The following KCTD16 variants were observed in gnomAD, a reference collection of about 807,000 sequenced individuals.
The protein encoded by KCTD16 is potassium channel tetramerization domain containing 16.
Under a neutral mutation model 33.2 loss-of-function variants are expected in KCTD16, and 13 were observed. That is an observed-to-expected ratio of 0.39 (90% CI 0.25 to 0.62). The LOEUF is 0.62. Among genes scored for constraint, KCTD16 ranks in the 20% least tolerant of loss-of-function variants. KCTD16 has a pLI of 0.50. For synonymous variants in KCTD16, 197 were observed against 195.3 expected (o/e 1.01, Z -0.07); for missense variants, 441 against 525.1 (o/e 0.84, Z 1.57).
intron 3 of KCTD16, among the ~76,000 whole-genome samples, chr5:144,280,590 G>A (rs1436924166): frequency 6.6e-6 from 1 of 151,926 alleles, no homozygotes; most frequent in East Asian, 1.9e-4. Flanking sequence ...TAATTTTGTT[G>A]ATCTTTTCAA....
At chr5:144,366,560 T>C (rs567496177) in intron 3 of KCTD16, among the ~76,000 whole-genome samples, 1 of 152,178 alleles carries the variant, frequency 6.6e-6, no homozygotes, top group Non-Finnish European at 1.5e-5. Flanking sequence ...ATTTGCTAAC[T>C]CTATGTTTGC....
At chr5:144,226,892 T>G (rs1242803882) in intron 3 of KCTD16, among the ~76,000 whole-genome samples, 1 of 152,194 alleles carries the variant, frequency 6.6e-6, no homozygotes, top group East Asian at 1.9e-4. Context: ...TCTTTATGAA[T>G]ACATAATAGC....
intron 3 of KCTD16, among the ~76,000 whole-genome samples, chr5:144,396,451 G>A (rs537311538): frequency 1.3e-5 from 2 of 152,220 alleles, no homozygotes; most frequent in East Asian, 1.9e-4. Flanking sequence ...AAGGACATTT[G>A]CGTTTATATA....
rs140862063 is a variant in KCTD16, at chr5:144,384,974, C to T, written c.833-88686C>T. 1.1e-3 allele frequency among the ~76,000 whole-genome samples: 171 copies of T among 152,242 alleles called. 1 individual carries two copies. The highest frequency in any genetic ancestry group is 3.8e-3 in the African/African-American group (158 of 41,552). On this transcript the variant is annotated intron_variant, in intron 3 of 3. Transcript: ENST00000512467. Reference sequence around the variant, plus strand: ...TATTTATTTTGGATGTTTAGAAGCTCGTTCCCTTTTGGACTCACTGTTGGA... The same window carrying T: ...TATTTATTTTGGATGTTTAGAAGCTTGTTCCCTTTTGGACTCACTGTTGGA...
At chr5:144,351,983 A>T (rs1406388126) in intron 3 of KCTD16, among the ~76,000 whole-genome samples, 1 of 152,214 alleles carries the variant, frequency 6.6e-6, no homozygotes, top group Non-Finnish European at 1.5e-5. Flanking sequence ...ACTTCTGTTA[A>T]TCACAACATA....
chr5:144,325,983 C>A (rs575652234), intron 3 of KCTD16, among the ~76,000 whole-genome samples: 1 of 152,082 alleles, frequency 6.6e-6, no homozygotes, highest in South Asian at 2.1e-4. Context: ...TTATGAAACA[C>A]CTTATCAGGA....
At chr5:144,177,234 A>G (rs909279222) in intron 2 of KCTD16, among the ~76,000 whole-genome samples, 1 of 152,250 alleles carries the variant, frequency 6.6e-6, no homozygotes, top group Non-Finnish European at 1.5e-5. Context: ...AGTAACTGTC[A>G]TGCTGTCATA....
At chr5:144,294,618 C>T (rs1755987135) in intron 3 of KCTD16, among the ~76,000 whole-genome samples, 1 of 152,112 alleles carries the variant, frequency 6.6e-6, no homozygotes, top group Non-Finnish European at 1.5e-5. Flanking sequence ...CTCATTCCTT[C>T]CATGTAGTGT....
At chr5:144,430,738 G>A (rs897084082) in intron 3 of KCTD16, among the ~76,000 whole-genome samples, 2 of 152,202 alleles carry the variant, frequency 1.3e-5, no homozygotes, top group African/African-American at 4.8e-5. Flanking sequence ...TGTGACAGAT[G>A]ATGCATTTTT....
intron 3 of KCTD16, among the ~76,000 whole-genome samples, chr5:144,413,418 G>A (rs960592178): frequency 6.6e-6 from 1 of 152,158 alleles, no homozygotes; most frequent in African/African-American, 2.4e-5. Flanking sequence ...AATGAATACA[G>A]GTTTATACAA....
In KCTD16 at chr5:144,297,823, G is replaced by C. The variant is rs6885682; in HGVS notation, c.832+90277G>C. Among the ~76,000 whole-genome samples the C allele has an allele frequency of 4.7e-3, 712 of 152,316 alleles. 3 individuals carry two copies. The highest frequency in any genetic ancestry group is 0.016 in the African/African-American group (679 of 41,584). On this transcript the variant is annotated intron_variant, in intron 3 of 3. Transcript: ENST00000512467. ...GATCAGGATATAAAGGCAGGCATTC[G>C]AGCCGGCAACGGCTACCCTCTTTTG...
chr5:144,290,470 T>C (rs938395115), intron 3 of KCTD16, among the ~76,000 whole-genome samples: 2 of 152,222 alleles, frequency 1.3e-5, no homozygotes, highest in Non-Finnish European at 2.9e-5. Context: ...TATTCTTCAA[T>C]TTATTAATCT....
At chr5:144,224,459 A>C (rs1285459548) in intron 3 of KCTD16, among the ~76,000 whole-genome samples, 2 of 124,122 alleles carry the variant, frequency 1.6e-5, no homozygotes, top group South Asian at 4.9e-4. Flanking sequence ...GGTGCTTTCT[A>C]TTCTGACATA....
chr5:144,376,333 A>G lies in KCTD16; in HGVS notation c.833-97327A>G, dbSNP rs759057708. On this transcript the variant is annotated intron_variant, in intron 3 of 3. Transcript: ENST00000512467. ...TCTTTATCAAAAAGAAATATACTGA[A>G]TAATGTGTAATAATATGGACAAAAT... Among the ~76,000 whole-genome samples, 9 of 152,314 alleles carry G rather than the reference A, an allele frequency of 5.9e-5. 1 individual carries two copies. The highest frequency in any genetic ancestry group is 6.8e-3 in the Middle Eastern group (2 of 294).
At chr5:144,331,496 A>C (rs187922371) in intron 3 of KCTD16, among the ~76,000 whole-genome samples, 1 of 152,340 alleles carries the variant, frequency 6.6e-6, no homozygotes, top group Admixed American at 6.5e-5. Flanking sequence ...GTTGAAAAGC[A>C]GGGAGTATAT....
At chr5:144,467,183 C>T (rs1479111183) in intron 3 of KCTD16, among the ~76,000 whole-genome samples, 1 of 149,284 alleles carries the variant, frequency 6.7e-6, no homozygotes, top group Non-Finnish European at 1.5e-5. Flanking sequence ...TGCCATTTTT[C>T]TCTCTGGGTC....
In KCTD16 at chr5:144,475,902, T is replaced by C. The variant is rs1461576564; in HGVS notation, c.*1788T>C. ...ATGACAGACTCAGCTAATGTTTCCT[T>C]GTCCTGAAGGTTTGAATGGAGTTGA... is the stretch of plus-strand genomic sequence containing the variant. On this transcript the variant is annotated 3_prime_UTR_variant, in exon 4 of 4. Coordinates refer to ENST00000512467, the MANE Select transcript of KCTD16 (RefSeq NM_020768.4). 6.6e-6 allele frequency: 1 copy of C among 152,248 alleles called. No individual in the cohort carries two copies. Among genetic ancestry groups the C allele is most frequent in the Non-Finnish European group, 1.5e-5 (1 of 68,042 alleles). The allele number at this position is 152,248 out of a possible 1,614,324, so 9.4% of individuals were successfully genotyped here. A position where few individuals can be genotyped will look rare whatever the true frequency, so the allele number is the denominator to read the frequency against.
intron 3 of KCTD16, among the ~76,000 whole-genome samples, chr5:144,436,982 G>C (rs73299612): frequency 6.6e-6 from 1 of 152,056 alleles, no homozygotes; most frequent in African/African-American, 2.4e-5. Context: ...ATTCTTGGCT[G>C]TTGATGATAA....
intron 2 of KCTD16, among the ~76,000 whole-genome samples, chr5:144,183,342 C>T (rs1210189301): frequency 1.3e-5 from 2 of 151,910 alleles, no homozygotes; most frequent in East Asian, 1.9e-4. Flanking sequence ...ATAACTATTC[C>T]GTAGTGCTCT....
Sources: allele counts gnomAD v4.1 joint callset (sites outside exome capture counted in the v4.1 genomes callset), GRCh38; gene constraint gnomAD v4.1.1; transcripts MANE v1.5; gene names NCBI Gene and HGNC (gene_info 2026-07-23, HGNC 2026-07-21).